The following RDH10 variants were observed in gnomAD, a reference collection of about 807,000 sequenced individuals.
RDH10 encodes retinol dehydrogenase 10 (all-trans).
RDH10 carries 12 observed loss-of-function variants against 30.2 expected under a neutral mutation model. The observed-to-expected ratio is 0.40, with a 90% CI of 0.25 to 0.64. The LOEUF (loss-of-function observed/expected upper bound fraction) is 0.64, where lower values mean the gene tolerates loss of function less well. Among genes scored for constraint, RDH10 ranks in the 30% least tolerant of loss-of-function variants. The pLI, the probability that RDH10 is intolerant of heterozygous loss-of-function variation, is 0.43. For synonymous variants in RDH10, 189 were observed against 172.2 expected, an observed-to-expected ratio of 1.10 and a Z score of -0.76; for missense variants, 268 against 445.2, an observed-to-expected ratio of 0.60 and a Z score of 3.58.
chr8:73,309,275 C>T (rs1363435015), intron 2 of RDH10, among the ~76,000 whole-genome samples: 8 of 152,124 alleles, frequency 5.3e-5, no homozygotes, highest in African/African-American at 9.7e-5. Flanking sequence ...AAGTCAGGGC[C>T]GGCCAGTGAA....
chr8:73,312,269 T>G (rs546162364), intron 2 of RDH10: 1 of 152,312 alleles, frequency 6.6e-6, no homozygotes, highest in South Asian at 2.1e-4. Context: ...TCTTGGATGT[T>G]CAAATAAAAG....
At chr8:73,306,386 T>C (rs1034525157) in intron 2 of RDH10, among the ~76,000 whole-genome samples, 1 of 152,268 alleles carries the variant, frequency 6.6e-6, no homozygotes, top group Admixed American at 6.5e-5. Flanking sequence ...TTTTTTCTTC[T>C]TTTTTACTTT....
chr8:73,306,138 C>T (rs1814460237), intron 2 of RDH10, among the ~76,000 whole-genome samples: 1 of 152,208 alleles, frequency 6.6e-6, no homozygotes, highest in South Asian at 2.1e-4. Flanking sequence ...TGTGAATTAT[C>T]ATTCTGTTAA....
At chr8:73,315,486 G>A (rs1356728923) in intron 2 of RDH10, 1 of 394,874 alleles carries the variant, frequency 2.5e-6, no homozygotes, top group Non-Finnish European at 5.2e-6. Context: ...GAAGGGGAGG[G>A]GATATTAATC....
At chr8:73,312,073 T>C (rs1563549911) in intron 2 of RDH10, 1 of 152,240 alleles carries the variant, frequency 6.6e-6, no homozygotes, top group Non-Finnish European at 1.5e-5. Flanking sequence ...ACTTAATAAG[T>C]AGATACCTTT....
chr8:73,323,674 A>G lies in RDH10; in HGVS notation c.*638A>G, dbSNP rs867529436. ...TTGAATTTTTTTTTTTTTTTTTTTG[A>G]TGGAGTCTCGCTCTGTCACCAGGCT... is the stretch of plus-strand genomic sequence containing the variant. On this transcript the variant is annotated 3_prime_UTR_variant, in exon 6 of 6. Transcript: ENST00000240285. 2 of 69,638 alleles carry G rather than the reference A, an allele frequency of 2.9e-5. No individual in the cohort carries two copies. Among genetic ancestry groups the G allele is most frequent in the African/African-American group, 6.1e-5 (1 of 16,408 alleles). 4.3% of individuals were successfully genotyped at this position (69,638 alleles called of 1,614,324 possible).
intron 2 of RDH10, among the ~76,000 whole-genome samples, chr8:73,308,353 C>T (rs1814497851): frequency 6.6e-6 from 1 of 152,190 alleles, no homozygotes; most frequent in Non-Finnish European, 1.5e-5. Context: ...CAAAATTGTG[C>T]ACTTTGGGCC....
chr8:73,300,784 T>A (rs1346331027), intron 2 of RDH10, among the ~76,000 whole-genome samples: 1 of 152,228 alleles, frequency 6.6e-6, no homozygotes, highest in Non-Finnish European at 1.5e-5. Flanking sequence ...AGCTCAAGTT[T>A]CAATATAACC....
At chr8:73,302,504 G>A (rs775470030) in intron 2 of RDH10, among the ~76,000 whole-genome samples, 3 of 152,112 alleles carry the variant, frequency 2.0e-5, no homozygotes, top group Non-Finnish European at 4.4e-5. Flanking sequence ...TTGGCAACAT[G>A]GCGAAACCCT....
intron 2 of RDH10, chr8:73,297,701 G>A (rs944384772): frequency 5.9e-5 from 19 of 320,366 alleles, no homozygotes; most frequent in Non-Finnish European, 9.2e-5. Context: ...AAAATAACAC[G>A]AAGGAGCGTA....
intron 2 of RDH10, among the ~76,000 whole-genome samples, chr8:73,300,987 A>T (rs1161507607): frequency 1.3e-5 from 2 of 151,654 alleles, no homozygotes; most frequent in African/African-American, 4.8e-5. Context: ...AGCTGTCTGA[A>T]GGCAGTTTAT....
rs778775773 is a variant in RDH10, at chr8:73,297,188, G to A, written c.290-6G>A. On this transcript the variant is annotated splice_polypyrimidine_tract_variant and splice_region_variant and intron_variant, in intron 1 of 5. Transcript: ENST00000240285. ...GTTTTCTCCTCATCTGGACTTCTGA[G>A]GACAGCTGGGAATGGTGAGGAAGAA... 1 of 1,568,908 alleles carries A rather than the reference G, an allele frequency of 6.4e-7. No individual in the cohort carries two copies. Among genetic ancestry groups the A allele is most frequent in the Non-Finnish European group, 8.8e-7 (1 of 1,138,820 alleles).
rs552245859 is a variant in RDH10, at chr8:73,307,832, A to ATTT, written c.525+10404_525+10405insTTT. ...CTTCAAATGTTGATTTTTTATTAGC[A>ATTT]TGGTTAGTTTAGCAGTAACTGATTA... On this transcript the variant is annotated intron_variant, in intron 2 of 5. Coordinates refer to ENST00000240285, the MANE Select transcript of RDH10 (RefSeq NM_172037.5). Among the ~76,000 whole-genome samples, 17 of 152,334 alleles carry ATTT rather than the reference A, an allele frequency of 1.1e-4. 1 individual carries two copies. In the South Asian group the frequency reaches 3.5e-3, roughly 32 times the overall value.
chr8:73,320,879 T>A lies in RDH10; in HGVS notation c.625-53T>A, dbSNP rs1814760174. The A allele has an allele frequency of 4.4e-6, 7 of 1,586,384 alleles. No homozygotes were observed. The African/African-American group carries it at 9.5e-5, about 21-fold the overall frequency. ...AGGACCAGGGAAGCTTTAGTTTGGT[T>A]GGAGATAGGGGCATATGCTTAGTAT... On this transcript the variant is annotated intron_variant, in intron 3 of 5. Transcript: ENST00000240285.
rs938209799 is a variant in RDH10 at position 73,295,448 on chromosome 8, G to C, written c.159G>C (p.Ala53=). ...GAGSGLGRLF[A]LEFARRRALL... ...GCAGCGGCCTGGGCCGCCTCTTCGC[G>C]CTGGAGTTCGCCCGGCGTCGGGCGC... The change falls in exon 1 of 6, where the codon GCG becomes GCC. Residue 53 remains alanine, a synonymous_variant. Transcript: ENST00000240285. The C allele has an allele frequency of 1.3e-6, 2 of 1,550,414 alleles. No individual in the cohort carries two copies.
chr8:73,295,770 A>C, intron 1 of RDH10, 192 bp downstream of exon 1: 1 of 946,986 alleles, frequency 1.1e-6, no homozygotes, highest in South Asian at 2.2e-5. Context: ...ATTACCAGGG[A>C]GAAGGTGCCC....
intron 2 of RDH10, among the ~76,000 whole-genome samples, chr8:73,317,465 A>G (rs1182639373): frequency 6.7e-6 from 1 of 148,428 alleles, no homozygotes; most frequent in Non-Finnish European, 1.5e-5. Flanking sequence ...AAACTCAAAC[A>G]GGGTGTGAGT....
In RDH10 at chr8:73,294,761, C is replaced by G; in HGVS notation, c.-529C>G. The G allele has an allele frequency of 2.8e-6, 1 of 363,150 alleles. No homozygotes were observed. The highest frequency in any genetic ancestry group is 4.9e-6 in the Non-Finnish European group (1 of 203,372). The allele number at this position is 363,150 out of a possible 1,614,324, so 22.5% of individuals were successfully genotyped here. ...GCCTGCGCCGAGCGAGTCTCCCCTT[C>G]CCGGCGCTCCGCCGCCCCGCACCCC... On this transcript the variant is annotated 5_prime_UTR_variant, in exon 1 of 6. Transcript: ENST00000240285.
intron 4 of RDH10, chr8:73,322,306 T>C (rs1814786167): frequency 3.3e-6 from 1 of 298,976 alleles, no homozygotes; most frequent in Admixed American, 4.7e-5. Flanking sequence ...TGACTACAAC[T>C]AATACTAAAA....
Sources: allele counts gnomAD v4.1 joint callset (sites outside exome capture counted in the v4.1 genomes callset), GRCh38; gene constraint gnomAD v4.1.1; transcripts MANE v1.5; gene names NCBI Gene and HGNC (gene_info 2026-07-23, HGNC 2026-07-21).